BPTF: variants seen among roughly 807,000 people sequenced by gnomAD.
BPTF encodes nucleosome-remodeling factor subunit BPTF.
BPTF carries 18 observed loss-of-function variants against 292.5 expected under a neutral mutation model. The ratio of observed to expected loss-of-function variants is 0.06; its 90% CI spans 0.04 to 0.09. The LOEUF is 0.09. Ranked by LOEUF, BPTF falls within the 10% of genes least tolerant of loss-of-function variation. The probability of loss-of-function intolerance (pLI) is 1.00; values close to 1 mark genes in which losing one functional copy is unlikely to be tolerated. For synonymous variants in BPTF, 1,225 were observed against 1,251.9 expected, an observed-to-expected ratio of 0.98 and a Z score of 0.45; for missense variants, 2,726 against 3,498.7, an observed-to-expected ratio of 0.78 and a Z score of 5.57.
chr17:67,840,526 T>C (rs6504542), intron 1 of BPTF, among the ~76,000 whole-genome samples: 45,282 of 148,396 alleles, frequency 0.31, 8,158 homozygotes, highest in East Asian at 0.67. Flanking sequence ...CCTTCCCCCT[T>C]TTCCTCCTCT....
intron 4 of BPTF, among the ~76,000 whole-genome samples, chr17:67,875,266 C>T (rs988949444): frequency 4.6e-5 from 7 of 152,048 alleles, no homozygotes; most frequent in Non-Finnish European, 8.8e-5. Context: ...TGCCATTTCC[C>T]TATGAAAAAG....
intron 27 of BPTF, chr17:67,981,462 TA>T: frequency 8.0e-7 from 1 of 1,244,416 alleles, no homozygotes; most frequent in South Asian, 1.4e-5. Flanking sequence ...TCTGAATTTT[TA>T]ACTGGAATCA....
chr17:67,896,367 A>G (rs765545706), intron 7 of BPTF, among the ~76,000 whole-genome samples: 53 of 152,206 alleles, frequency 3.5e-4, no homozygotes, highest in Non-Finnish European at 1.6e-4. Flanking sequence ...TAAGTTTACA[A>G]TAGAAGGAAA....
chr17:67,959,420 C>A, intron 23 of BPTF, 121 bp from the exon 24 acceptor site: 2 of 724,348 alleles, frequency 2.8e-6, no homozygotes, highest in Non-Finnish European at 4.2e-6. Context: ...AACTAAAACT[C>A]TCACGTTAGG....
At chr17:67,928,709 C>A in intron 16 of BPTF, 108 bp downstream of exon 16, 1 of 1,348,728 alleles carries the variant, frequency 7.4e-7, no homozygotes, top group Non-Finnish European at 9.9e-7. Flanking sequence ...TTTTCTTTTG[C>A]AGCCAGTTGA....
At chr17:67,944,453 T>C in intron 20 of BPTF, 81 bp downstream of exon 20, 4 of 1,474,664 alleles carry the variant, frequency 2.7e-6, no homozygotes, top group Non-Finnish European at 3.7e-6. Flanking sequence ...GGAGAACCAG[T>C]ATTTACCTTT....
chr17:67,959,567 T>A lies in BPTF; in HGVS notation c.7953T>A (p.Ile2651=). Residue 2651 remains isoleucine (I), a synonymous_variant, in exon 24 of 28, where the codon ATT becomes ATA. Coordinates refer to ENST00000306378, the MANE Select transcript of BPTF (RefSeq NM_182641.4). Reference sequence around the variant, plus strand: ...AAGAGCTGAAGAGAGACCTGAAAATTAAGAAAGAAAAAGACCTGATGCAGT... The same window carrying A: ...AAGAGCTGAAGAGAGACCTGAAAATAAAGAAAGAAAAAGACCTGATGCAGT... ...VQEELKRDLK[I]KKEKDLMQLA... The A allele has an allele frequency of 6.6e-7, 1 of 1,525,982 alleles. No individual in the cohort carries two copies. Among genetic ancestry groups the A allele is most frequent in the Non-Finnish European group, 8.8e-7 (1 of 1,142,258 alleles). The allele number at this position is 1,525,982 out of a possible 1,614,324, so 94.5% of individuals were successfully genotyped here.
At chr17:67,917,757 C>G (rs547351804) in intron 11 of BPTF, among the ~76,000 whole-genome samples, 21 of 152,148 alleles carry the variant, frequency 1.4e-4, no homozygotes, top group African/African-American at 5.1e-4. Flanking sequence ...CTTAGCCTCC[C>G]AAGTAGCTCG....
rs553036167 is a variant in BPTF, at chr17:67,909,260, G to A, written c.2813-322G>A. Among the ~76,000 whole-genome samples the A allele has an allele frequency of 6.7e-4, 95 of 141,650 alleles. 2 individuals carry two copies. The South Asian group carries it at 0.019, about 28-fold the overall frequency. The allele number at this position is 141,650 out of a possible 152,430, so 92.9% of individuals were successfully genotyped here. A position where few individuals can be genotyped will look rare whatever the true frequency, so the allele number is the denominator to read the frequency against. ...CTGGAGTGCAGTGGCATGAGCCACC[G>A]CACCAGGTCCCCCCCCCCCTTTTTT... On this transcript the variant is annotated intron_variant, in intron 9 of 27. Transcript: ENST00000306378.
chr17:67,862,706 A>C lies in BPTF; in HGVS notation c.1437-3758A>C, dbSNP rs527656773. On this transcript the variant is annotated intron_variant, in intron 2 of 27. Transcript: ENST00000306378. ...AAAGTACTATAAAACTGGGTAGTTT[A>C]AAACAGTAGAAATTGATTATTTAAC... Among the ~76,000 whole-genome samples the C allele has an allele frequency of 5.3e-5, 8 of 152,344 alleles. No homozygotes were observed. The South Asian group carries it at 8.3e-4, about 16-fold the overall frequency.
chr17:67,957,818 T>C (rs1472783749), intron 23 of BPTF, among the ~76,000 whole-genome samples: 1 of 152,168 alleles, frequency 6.6e-6, no homozygotes, highest in Non-Finnish European at 1.5e-5. Context: ...TTTATGTCAC[T>C]GCAGTCCAGG....
At chr17:67,890,830 A>G (rs1363631238) in intron 4 of BPTF, among the ~76,000 whole-genome samples, 1 of 152,182 alleles carries the variant, frequency 6.6e-6, no homozygotes, top group Admixed American at 6.5e-5. Flanking sequence ...TATATATCAT[A>G]TAGTAAATTA....
At chr17:67,884,709 C>G (rs1243920251) in intron 4 of BPTF, among the ~76,000 whole-genome samples, 2 of 152,170 alleles carry the variant, frequency 1.3e-5, no homozygotes, top group Non-Finnish European at 2.9e-5. Flanking sequence ...AGCCACTGCT[C>G]CCAGCCTTCA....
rs575346457 is a variant in BPTF, at chr17:67,896,056, G to A, written c.2543+1891G>A. 5.3e-5 allele frequency among the ~76,000 whole-genome samples: 8 copies of A among 150,040 alleles called. No individual in the cohort carries two copies. The South Asian group carries it at 1.7e-3, about 32-fold the overall frequency. Reference sequence around the variant, plus strand: ...TCGGCTCACTGCAGCTCCGCCTCCCGGGTTCACGCCATTCTCCTGCCTCAG... The same window carrying A: ...TCGGCTCACTGCAGCTCCGCCTCCCAGGTTCACGCCATTCTCCTGCCTCAG... On this transcript the variant is annotated intron_variant, in intron 7 of 27. Transcript: ENST00000306378.
At chr17:67,878,682 G>A (rs1375921807) in intron 4 of BPTF, among the ~76,000 whole-genome samples, 1 of 74,684 alleles carries the variant, frequency 1.3e-5, no homozygotes, top group Non-Finnish European at 2.5e-5. Flanking sequence ...TTATGTGTTC[G>A]TGTGTGTGTG....
At position 67,922,979 on chromosome 17, in the gene BPTF, A is replaced by T; in HGVS notation, c.5697A>T (p.Ala1899=). 6.2e-7 allele frequency: 1 copy of T among 1,613,496 alleles called. No individual in the cohort carries two copies. The highest frequency in any genetic ancestry group is 8.5e-7 in the Non-Finnish European group (1 of 1,179,900). ...EEELELWEIR[A]FAERVEKEKA... is the part of the protein sequence containing the mutation. ...AACTGGAATTGTGGGAGATCAGGGCATTTGCTGAGAGGTAAGGAAATGGTT... is the reference window on the plus strand; with the variant it reads ...AACTGGAATTGTGGGAGATCAGGGCTTTTGCTGAGAGGTAAGGAAATGGTT... Residue 1899 remains alanine, a synonymous_variant, in exon 14 of 28, where the codon GCA becomes GCT. Transcript: ENST00000306378.
intron 26 of BPTF, among the ~76,000 whole-genome samples, chr17:67,969,472 A>T (rs1555689594): frequency 6.7e-6 from 1 of 150,218 alleles, no homozygotes; most frequent in East Asian, 1.9e-4. Flanking sequence ...AAAAAAAAAA[A>T]AAAGAGATAG....
chr17:67,827,594 G>A (rs2056206914), intron 1 of BPTF, among the ~76,000 whole-genome samples: 1 of 152,124 alleles, frequency 6.6e-6, no homozygotes, highest in Admixed American at 6.5e-5. Flanking sequence ...ATATTTGTGA[G>A]GAAAAAAGAC....
At chr17:67,904,051 C>CTCTGTCTCAAA in intron 8 of BPTF, 133 bp downstream of exon 8, 1 of 866,426 alleles carries the variant, frequency 1.2e-6, no homozygotes, top group Non-Finnish European at 1.7e-6. Flanking sequence ...TATTTTGAGA[C>CTCTGTCTCAAA]AGAGTCTCGC....
Sources: allele counts gnomAD v4.1 joint callset (sites outside exome capture counted in the v4.1 genomes callset), GRCh38; gene constraint gnomAD v4.1.1; transcripts MANE v1.5; gene names NCBI Gene and HGNC (gene_info 2026-07-23, HGNC 2026-07-21).